RUVBL1: variants seen among roughly 807,000 people sequenced by gnomAD.
RUVBL1 encodes the protein ruvB-like 1.
Under a neutral mutation model 52.4 loss-of-function variants are expected in RUVBL1, and 4 were observed. The ratio of observed to expected loss-of-function variants is 0.08; its 90% CI spans 0.04 to 0.17. RUVBL1 has a LOEUF of 0.17. Among genes scored for constraint, RUVBL1 ranks in the 10% least tolerant of loss-of-function variants. The probability of loss-of-function intolerance (pLI) is 1.00; values close to 1 mark genes in which losing one functional copy is unlikely to be tolerated. For synonymous variants in RUVBL1, 217 were observed against 214.4 expected, an observed-to-expected ratio of 1.01 and a Z score of -0.10; for missense variants, 298 against 572.8, an observed-to-expected ratio of 0.52 and a Z score of 4.90.
downstream of RUVBL1, among the ~76,000 whole-genome samples, chr3:128,080,222 G>C (rs1285476475): frequency 6.6e-6 from 1 of 152,206 alleles, no homozygotes; most frequent in Non-Finnish European, 1.5e-5. Flanking sequence ...GGCCAAAGCT[G>C]GCTCAATTTG....
chr3:128,128,007 AATACATACATACATAC>A (rs57824701), upstream of RUVBL1, among the ~76,000 whole-genome samples: 55 of 148,886 alleles, frequency 3.7e-4, no homozygotes, highest in Admixed American at 6.7e-4. Context: ...AAAAATAATA[AATACATACATACATAC>A]ATACATACAT....
intron 3 of RUVBL1, among the ~76,000 whole-genome samples, chr3:128,111,411 T>G (rs1224222082): frequency 6.6e-6 from 1 of 152,018 alleles, no homozygotes; most frequent in African/African-American, 2.4e-5. Flanking sequence ...TTCTTCCCCA[T>G]CTCCAAAAAT....
At chr3:128,068,643 G>A (rs1942058764) in intron 9 of RUVBL1, 1 of 154,416 alleles carries the variant, frequency 6.5e-6, no homozygotes, top group Non-Finnish European at 1.4e-5. Flanking sequence ...TACCTGCCAG[G>A]CTGTGGTGAG....
chr3:128,121,500 A>T (rs1476150045), intron 1 of RUVBL1, among the ~76,000 whole-genome samples: 2 of 151,374 alleles, frequency 1.3e-5, no homozygotes, highest in Non-Finnish European at 3.0e-5. Flanking sequence ...ACCTGAGGTC[A>T]GGAGTTCAAG....
chr3:128,153,714 C>T (rs1269386428), exon 1 of RUVBL1: 13 of 1,585,540 alleles, frequency 8.2e-6, no homozygotes, highest in Non-Finnish European at 1.0e-5. Context: ...CGTCTTTGCC[C>T]GAGTTCCAGG....
Position 128,082,910 on chromosome 3 carries a change from C to A in RUVBL1, c.1120-336G>T, listed in dbSNP as rs755932664. 5 of 219,844 alleles carry A rather than the reference C, an allele frequency of 2.3e-5. No individual in the cohort carries two copies. The highest frequency in any genetic ancestry group is 3.7e-5 in the Non-Finnish European group (4 of 109,524). 13.6% of individuals were successfully genotyped at this position (219,844 alleles called of 1,614,324 possible). Reference sequence around the variant, plus strand: ...CCGTCCCCTGTCCCCAGGCAGAGAACTGGGGCCTCTTCTAACCTACCCGGG... The same window carrying A: ...CCGTCCCCTGTCCCCAGGCAGAGAAATGGGGCCTCTTCTAACCTACCCGGG... On this transcript the variant is annotated intron_variant, in intron 9 of 10. Transcript: ENST00000322623. The surrounding 1 kb of genome is among the most constrained non-coding windows in gnomAD (Gnocchi z 4.7).
downstream of RUVBL1, among the ~76,000 whole-genome samples, chr3:128,080,611 C>A (rs1942443392): frequency 6.6e-6 from 1 of 152,164 alleles, no homozygotes; most frequent in Non-Finnish European, 1.5e-5. Flanking sequence ...ATGAGAAAAG[C>A]ATCAGACAAA....
At chr3:128,144,634 A>G (rs1944076633) in intron 1 of RUVBL1, among the ~76,000 whole-genome samples, 1 of 152,186 alleles carries the variant, frequency 6.6e-6, no homozygotes, top group Non-Finnish European at 1.5e-5. Context: ...AGGGCTATCA[A>G]AGATATGCAA....
chr3:128,077,693 T>C (rs1330853059), downstream of RUVBL1, among the ~76,000 whole-genome samples: 2 of 152,230 alleles, frequency 1.3e-5, no homozygotes, highest in African/African-American at 4.8e-5. Flanking sequence ...TTGGGCTGTG[T>C]GGCCCTGAGC....
At chr3:128,097,119 G>C (rs1410293258) in intron 8 of RUVBL1, among the ~76,000 whole-genome samples, 181 bp downstream of exon 8, 1 of 152,176 alleles carries the variant, frequency 6.6e-6, no homozygotes, top group Non-Finnish European at 1.5e-5. Flanking sequence ...CAGGACAGCT[G>C]CTGCCTTTGG....
chr3:128,067,429 T>A lies in RUVBL1; in HGVS notation c.940-2209A>T. ...GGTTTCTTCTTCCCCAGGACACGTC[T>A]TCTGGGGGCCCAGCACGTGCTTATC... On this transcript the variant is annotated intron_variant, in intron 9 of 9. Transcript: ENST00000464873. This position sits in a 1 kb window ranked among gnomAD's most constrained non-coding sequence, Gnocchi z 4.1. The A allele has an allele frequency of 6.2e-7, 1 of 1,611,556 alleles. No individual in the cohort carries two copies. Among genetic ancestry groups the A allele is most frequent in the Middle Eastern group, 1.7e-4 (1 of 5,954 alleles).
chr3:128,085,526 C>T (rs1942619016), intron 9 of RUVBL1, among the ~76,000 whole-genome samples: 1 of 152,232 alleles, frequency 6.6e-6, no homozygotes, highest in Admixed American at 6.5e-5. Flanking sequence ...AGTCACCTGG[C>T]AAGACACCCT....
chr3:128,100,481 G>T, intron 6 of RUVBL1, 114 bp downstream of exon 6: 1 of 1,292,764 alleles, frequency 7.7e-7, no homozygotes. Context: ...ATTACAGATA[G>T]AAAAGGACCG....
At position 128,139,615 on chromosome 3, in the gene RUVBL1, A is replaced by G. The variant is rs1943990680; in HGVS notation, c.-40+13588T>C. Reference sequence around the variant, plus strand: ...AAGAGACATCTGTACTCCCGTGTTTACTGCAGCACTATTCACAATAGCCAC... The same window carrying G: ...AAGAGACATCTGTACTCCCGTGTTTGCTGCAGCACTATTCACAATAGCCAC... On this transcript the variant is annotated intron_variant, in intron 1 of 9. Coordinates refer to the RUVBL1 transcript ENST00000464873. Among the ~76,000 whole-genome samples the G allele has an allele frequency of 1.3e-5, 2 of 152,206 alleles. 1 individual carries two copies. Among genetic ancestry groups the G allele is most frequent in the South Asian group, 4.1e-4 (2 of 4,824 alleles).
intron 3 of RUVBL1, among the ~76,000 whole-genome samples, chr3:128,112,619 T>A (rs1352944970): frequency 6.6e-6 from 1 of 152,184 alleles, no homozygotes; most frequent in Non-Finnish European, 1.5e-5. Flanking sequence ...ATATGACTCA[T>A]TAAAAAAACA....
chr3:128,113,680 G>A (rs1943450535), intron 2 of RUVBL1, among the ~76,000 whole-genome samples: 1 of 151,252 alleles, frequency 6.6e-6, no homozygotes, highest in African/African-American at 2.4e-5. Context: ...TTTTTTTCCT[G>A]AGTATTTTTG....
rs1405488255 is a variant in RUVBL1, at chr3:128,122,834, A to G, written c.141+750T>C. Among the ~76,000 whole-genome samples, 7 of 152,330 alleles carry G rather than the reference A, an allele frequency of 4.6e-5. No homozygotes were observed. The East Asian group carries it at 1.4e-3, about 29-fold the overall frequency. Reference sequence around the variant, plus strand: ...TGCAAACCCCAGGTTTACCGTTACTAAAACGAGTGTCAAGCATATACGTGA... The same window carrying G: ...TGCAAACCCCAGGTTTACCGTTACTGAAACGAGTGTCAAGCATATACGTGA... On this transcript the variant is annotated intron_variant, in intron 1 of 10. Transcript: ENST00000322623.
chr3:128,096,707 G>A (rs1377588211), intron 8 of RUVBL1, among the ~76,000 whole-genome samples: 4 of 152,020 alleles, frequency 2.6e-5, no homozygotes, highest in Non-Finnish European at 2.9e-5. Flanking sequence ...GGCAACTGTA[G>A]TCCCAGCTAC....
At chr3:128,129,113 A>G (rs1291275740) in intron 1 of RUVBL1, among the ~76,000 whole-genome samples, 1 of 152,240 alleles carries the variant, frequency 6.6e-6, no homozygotes, top group East Asian at 1.9e-4. Context: ...GCCCAGTGCA[A>G]TGTAGCTTTT....
Sources: allele counts gnomAD v4.1 joint callset (sites outside exome capture counted in the v4.1 genomes callset), GRCh38; gene constraint gnomAD v4.1.1; non-coding constraint Gnocchi (gnomAD v3.1); transcripts MANE v1.5; gene names NCBI Gene and HGNC (gene_info 2026-07-23, HGNC 2026-07-21).